Variants in SGCD observed in about 807,000 individuals in gnomAD.
The protein encoded by SGCD is delta-sarcoglycan.
SGCD carries 18 observed loss-of-function variants against 36.6 expected under a neutral mutation model. The ratio of observed to expected loss-of-function variants is 0.49; its 90% CI spans 0.34 to 0.73. The LOEUF is 0.73. Among genes scored for constraint, SGCD ranks in the 30% least tolerant of loss-of-function variants. SGCD has a pLI of 0.01. For synonymous variants in SGCD, 133 were observed against 130.6 expected, an observed-to-expected ratio of 1.02 and a Z score of -0.12; for missense variants, 387 against 346.7, an observed-to-expected ratio of 1.12 and a Z score of -0.92.
chr5:156,606,860 G>A (rs944957614), intron 6 of SGCD, among the ~76,000 whole-genome samples: 2 of 152,118 alleles, frequency 1.3e-5, no homozygotes, highest in Non-Finnish European at 1.5e-5. Flanking sequence ...TCTGTTATTG[G>A]TGTATAAGAA....
In SGCD at chr5:156,614,015, C is replaced by T. The variant is rs767103772; in HGVS notation, c.502+18964C>T. ...AGACTTGGGTACACTAGTGCGATCT[C>T]AGCTCACTGCAACCTTTGCCTCCCA... On this transcript the variant is annotated intron_variant, in intron 6 of 8. Coordinates refer to ENST00000337851, the MANE Select transcript of SGCD (RefSeq NM_000337.6). 9.1e-4 allele frequency among the ~76,000 whole-genome samples: 139 copies of T among 152,116 alleles called. 1 individual carries two copies. Among genetic ancestry groups the T allele is most frequent in the Non-Finnish European group, 1.5e-3 (102 of 68,022 alleles).
intron 6 of SGCD, among the ~76,000 whole-genome samples, chr5:156,640,582 C>T (rs890887606): frequency 2.6e-5 from 4 of 152,150 alleles, no homozygotes; most frequent in Non-Finnish European, 5.9e-5. Flanking sequence ...TATTTATAGA[C>T]AACAAATATT....
chr5:156,728,906 G>A (rs942519876), intron 7 of SGCD, among the ~76,000 whole-genome samples: 1 of 152,110 alleles, frequency 6.6e-6, no homozygotes, highest in South Asian at 2.1e-4. Context: ...AGGATTAATC[G>A]TTAAATGTGA....
chr5:156,348,856 A>T (rs1769089749), intron 3 of SGCD, among the ~76,000 whole-genome samples: 1 of 152,220 alleles, frequency 6.6e-6, no homozygotes, highest in South Asian at 2.1e-4. Flanking sequence ...AAATTATACT[A>T]CAAGGCTATA....
intron 3 of SGCD, among the ~76,000 whole-genome samples, chr5:156,483,733 G>A (rs1370343588): frequency 1.3e-5 from 2 of 152,182 alleles, no homozygotes; most frequent in Non-Finnish European, 2.9e-5. Flanking sequence ...CTCAAAATAA[G>A]AGCCAAATAC....
intron 3 of SGCD, among the ~76,000 whole-genome samples, chr5:156,181,336 G>A (rs1763600024): frequency 6.6e-6 from 1 of 152,102 alleles, no homozygotes. Flanking sequence ...ATAAGTGGAA[G>A]GCTATACCAT....
Position 156,329,526 on chromosome 5 carries a change from C to G in SGCD, c.-43-8C>G. 2.5e-6 allele frequency: 4 copies of G among 1,602,942 alleles called. No individual in the cohort carries two copies. In the Middle Eastern group the frequency reaches 6.6e-4, roughly 266 times the overall value. ...ACCTTATTTTTAACCCATATTTGTT[C>G]CTTGCAGAGACATTACTGCCGGGAG... On this transcript the variant is annotated splice_polypyrimidine_tract_variant and splice_region_variant and intron_variant, in intron 1 of 8. Transcript: ENST00000337851.
intron 1 of SGCD, among the ~76,000 whole-genome samples, chr5:156,037,662 A>G (rs1759532113): frequency 6.6e-6 from 1 of 152,198 alleles, no homozygotes; most frequent in Admixed American, 6.5e-5. Context: ...TCTGTCTACA[A>G]GATAAAAGAT....
chr5:156,609,496 C>G (rs1019847180), intron 6 of SGCD, among the ~76,000 whole-genome samples: 2 of 152,172 alleles, frequency 1.3e-5, no homozygotes, highest in African/African-American at 4.8e-5. Flanking sequence ...TTCATTTCCA[C>G]TTTGGTGAAT....
intron 1 of SGCD, among the ~76,000 whole-genome samples, chr5:156,061,726 A>C (rs1760211673): frequency 6.9e-6 from 1 of 145,334 alleles, no homozygotes; most frequent in Non-Finnish European, 1.6e-5. Context: ...ATTTATTCTC[A>C]ATGTAAAGAA....
chr5:156,430,802 G>A (rs972050308), intron 3 of SGCD, among the ~76,000 whole-genome samples: 1 of 152,182 alleles, frequency 6.6e-6, no homozygotes, highest in Non-Finnish European at 1.5e-5. Context: ...TTTCCCAGAT[G>A]TGGTTGTAGT....
At position 156,269,469 on chromosome 5, in the gene SGCD, C is replaced by CAAAAAAAA. The variant is rs60893052; in HGVS notation, c.-43-60031_-43-60024dup. Among the ~76,000 whole-genome samples the CAAAAAAAA allele has an allele frequency of 2.3e-4, 7 of 30,470 alleles. 1 individual carries two copies. The highest frequency in any genetic ancestry group is 3.7e-4 in the Non-Finnish European group (6 of 16,274). 20.0% of individuals were successfully genotyped at this position (30,470 alleles called of 152,430 possible). A position where few individuals can be genotyped will look rare whatever the true frequency, so the allele number is the denominator to read the frequency against. On this transcript the variant is annotated intron_variant, in intron 3 of 9. Coordinates refer to the SGCD transcript ENST00000517913. ...TAGGGGACAGAGTGAGACTCCGTCT[C>CAAAAAAAA]AAAAAAAAAAAAAAAAAAAAAAAAA...
intron 3 of SGCD, among the ~76,000 whole-genome samples, chr5:156,225,711 T>G (rs1341456323): frequency 6.6e-6 from 1 of 151,998 alleles, no homozygotes; most frequent in Non-Finnish European, 1.5e-5. Context: ...TCTATGAAAT[T>G]ATAGAGAATA....
chr5:156,291,507 C>T (rs574961946), intron 3 of SGCD, among the ~76,000 whole-genome samples: 1 of 152,040 alleles, frequency 6.6e-6, no homozygotes, highest in Non-Finnish European at 1.5e-5. Context: ...TTTTATCAAC[C>T]GTTAGTCTAG....
At chr5:155,749,507 A>G in the SGCD span, among the ~76,000 whole-genome samples, 1 of 152,234 alleles carries the variant, frequency 6.6e-6, no homozygotes, top group Non-Finnish European at 1.5e-5. Flanking sequence ...GTCTATTTAC[A>G]TACATTTGAA....
intron 7 of SGCD, among the ~76,000 whole-genome samples, chr5:156,729,820 A>G (rs1472118103): frequency 6.6e-6 from 1 of 152,208 alleles, no homozygotes; most frequent in Non-Finnish European, 1.5e-5. Flanking sequence ...TGAAAACAGA[A>G]CAATTCTTTT....
At position 156,277,361 on chromosome 5, in the gene SGCD, A is replaced by G. The variant is rs370418190; in HGVS notation, c.-43-52173A>G. Among the ~76,000 whole-genome samples the G allele has an allele frequency of 2.9e-4, 44 of 152,292 alleles. No individual in the cohort carries two copies. In the South Asian group the frequency reaches 8.3e-3, roughly 29 times the overall value. On this transcript the variant is annotated intron_variant, in intron 3 of 9. Transcript: ENST00000517913. Reference sequence around the variant, plus strand: ...ATTGTTACCTTTCTTGGCCCTTGTCATATTTTATTCTGGAGCTTGAAGTTT... The same window carrying G: ...ATTGTTACCTTTCTTGGCCCTTGTCGTATTTTATTCTGGAGCTTGAAGTTT...
chr5:156,611,963 G>C (rs1370748488), intron 6 of SGCD, among the ~76,000 whole-genome samples: 1 of 152,082 alleles, frequency 6.6e-6, no homozygotes, highest in Non-Finnish European at 1.5e-5. Context: ...TTCTCATTCA[G>C]ATGATGAATT....
At chr5:155,786,902 C>G in the SGCD span, among the ~76,000 whole-genome samples, 1 of 152,232 alleles carries the variant, frequency 6.6e-6, no homozygotes, top group Admixed American at 6.5e-5. Flanking sequence ...CTGTGCTTGC[C>G]CACTTTGAGA....
Sources: gnomAD v4.1 joint callset for allele counts (sites outside exome capture counted in the v4.1 genomes callset) on GRCh38, gnomAD v4.1.1 for gene constraint, MANE v1.5 for transcripts, NCBI Gene and HGNC (gene_info 2026-07-23, HGNC 2026-07-21) for gene names.